The following MYOM3 variants were observed in gnomAD, a reference collection of about 807,000 sequenced individuals.
The protein encoded by MYOM3 is myomesin-3.
In MYOM3, 155 loss-of-function variants were observed where a neutral mutation model predicts 191.7. The ratio of observed to expected loss-of-function variants is 0.81; its 90% CI spans 0.71 to 0.92. MYOM3 has a LOEUF of 0.92. Among genes scored for constraint, MYOM3 ranks in the 40% least tolerant of loss-of-function variants. MYOM3 has a pLI of 0.00. For synonymous variants in MYOM3, 757 were observed against 762.9 expected, an observed-to-expected ratio of 0.99 and a Z score of 0.13; for missense variants, 1,889 against 1,890.6, an observed-to-expected ratio of 1.00 and a Z score of 0.02.
chr1:24,082,788 T>C, intron 16 of MYOM3, 74 bp from the exon 17 acceptor site: 1 of 1,483,030 alleles, frequency 6.7e-7, no homozygotes. Flanking sequence ...TAGAACAACT[T>C]TGTGGAATAA....
rs1384068389 is a variant in MYOM3, at chr1:24,076,806, G to A, written c.2587-533C>T. Among the ~76,000 whole-genome samples the A allele has an allele frequency of 5.3e-5, 3 of 56,608 alleles. 1 individual carries two copies. The highest frequency in any genetic ancestry group is 1.4e-4 in the Non-Finnish European group (3 of 21,972). 37.1% of individuals were successfully genotyped at this position (56,608 alleles called of 152,430 possible). A position where few individuals can be genotyped will look rare whatever the true frequency, so the allele number is the denominator to read the frequency against. The stretch of plus-strand genomic sequence containing the variant: ...TGGGATTACAGGCGTGAGCCACCGC[G>A]CCCGGCCCCTAATGTTTCTTTTTTC... On this transcript the variant is annotated intron_variant, in intron 20 of 36. Transcript: ENST00000374434.
intron 29 of MYOM3, among the ~76,000 whole-genome samples, chr1:24,064,937 C>T (rs1643415609): frequency 6.6e-6 from 1 of 152,176 alleles, no homozygotes; most frequent in Admixed American, 6.5e-5. Flanking sequence ...TGGCTTCTGA[C>T]CCCACCTTCT....
In MYOM3 at chr1:24,111,866, G is replaced by T. The variant is rs2148564744; in HGVS notation, c.-19+165C>A. Among the ~76,000 whole-genome samples, 1 of 151,990 alleles carries T rather than the reference G, an allele frequency of 6.6e-6. No individual in the cohort carries two copies. Among genetic ancestry groups the T allele is most frequent in the Non-Finnish European group, 1.5e-5 (1 of 67,986 alleles). The stretch of plus-strand genomic sequence containing the variant: ...CCCCTCCCATTTTCACTTGGGTGCT[G>T]CCTCAGCACAAATTTCCCAGGCTCC... On this transcript the variant is annotated intron_variant, in intron 1 of 36. Coordinates refer to ENST00000374434, the MANE Select transcript of MYOM3 (RefSeq NM_152372.4). The surrounding 1 kb of genome is among the most constrained non-coding windows in gnomAD (Gnocchi z 4.7).
Position 24,063,878 on chromosome 1 carries a change from C to T in MYOM3, c.3622+194G>A, listed in dbSNP as rs115577171. On this transcript the variant is annotated intron_variant, in intron 30 of 36. Transcript: ENST00000374434. This position sits in a 1 kb window ranked among gnomAD's most constrained non-coding sequence, Gnocchi z 4.5. ...GCTCACTGTGGTATACTGTGGTGAA[C>T]GAGGGCATCGGAGTCACACCGACCT... 1.4e-4 allele frequency among the ~76,000 whole-genome samples: 22 copies of T among 152,188 alleles called. No individual in the cohort carries two copies. Among genetic ancestry groups the T allele is most frequent in the African/African-American group, 3.6e-4 (15 of 41,502 alleles).
chr1:24,109,384 T>C (rs1644020706), intron 1 of MYOM3, among the ~76,000 whole-genome samples: 1 of 128,806 alleles, frequency 7.8e-6, no homozygotes, highest in South Asian at 3.3e-4. Context: ...GCTTGGGGCT[T>C]AGTAAGTACA....
chr1:24,072,350 G>A (rs1643542478), intron 23 of MYOM3, among the ~76,000 whole-genome samples: 1 of 152,100 alleles, frequency 6.6e-6, no homozygotes, highest in Admixed American at 6.5e-5. Context: ...GCAGTGCTGT[G>A]GGCTGAGCAT....
At position 24,107,063 on chromosome 1, in the gene MYOM3, A is replaced by T; in HGVS notation, c.402+10T>A. On this transcript the variant is annotated intron_variant, in intron 4 of 36. Transcript: ENST00000374434. ...CCCAGGCCCTGGGGCTCCACGGCCCACCCCCTTACCCGCCGCCTCAGCGTC... is the reference window on the plus strand; with the variant it reads ...CCCAGGCCCTGGGGCTCCACGGCCCTCCCCCTTACCCGCCGCCTCAGCGTC... The T allele has an allele frequency of 6.3e-7, 1 of 1,597,004 alleles. No homozygotes were observed. Among genetic ancestry groups the T allele is most frequent in the South Asian group, 1.1e-5 (1 of 88,124 alleles).
At chr1:24,089,415 G>A (rs1643785636) in intron 14 of MYOM3, 123 bp downstream of exon 14, 1 of 1,304,034 alleles carries the variant, frequency 7.7e-7, no homozygotes, top group Non-Finnish European at 1.0e-6. Flanking sequence ...GCCATGCCTG[G>A]GCCCTTCTGG....
At chr1:24,082,763 C>T in intron 16 of MYOM3, 49 bp from the exon 17 acceptor site, 2 of 1,517,860 alleles carry the variant, frequency 1.3e-6, no homozygotes, top group Non-Finnish European at 1.8e-6. Context: ...AGCCTGGAGA[C>T]ATTCCCAAAC....
chr1:24,066,371 C>T (rs1643434417), intron 28 of MYOM3: 3 of 629,016 alleles, frequency 4.8e-6, no homozygotes, highest in Admixed American at 2.7e-5. Flanking sequence ...CCAAGGCCCA[C>T]AGAGACCACT....
intron 2 of MYOM3, 130 bp from the exon 3 acceptor site, chr1:24,108,203 G>C (rs1557619893): frequency 1.1e-6 from 1 of 886,196 alleles, no homozygotes; most frequent in East Asian, 2.7e-5. Flanking sequence ...TCCTCATACT[G>C]GGGTCTCAGA....
In MYOM3 at chr1:24,057,344, C is replaced by T. The variant is rs746358158; in HGVS notation, c.*20G>A. 2 of 1,606,554 alleles carry T rather than the reference C, an allele frequency of 1.2e-6. No individual in the cohort carries two copies. The highest frequency in any genetic ancestry group is 2.2e-5 in the South Asian group (2 of 90,004). On this transcript the variant is annotated 3_prime_UTR_variant, in exon 37 of 37. Coordinates refer to ENST00000374434, the MANE Select transcript of MYOM3 (RefSeq NM_152372.4). ...CTGGTCCATGTAGACTAGACTCAGA[C>T]TGTGCCTGGACACACGCTGTCACAT... is the stretch of plus-strand genomic sequence containing the variant.
At chr1:24,081,480 A>T in intron 18 of MYOM3, 24 bp from the exon 19 acceptor site, 1 of 1,610,752 alleles carries the variant, frequency 6.2e-7, no homozygotes, top group Non-Finnish European at 8.5e-7. Flanking sequence ...AACACAAACT[A>T]TGAGGCTGAG....
chr1:24,079,968 G>T (rs764850325), intron 20 of MYOM3, 48 bp downstream of exon 20: 2 of 1,499,562 alleles, frequency 1.3e-6, no homozygotes, highest in East Asian at 4.7e-5. Flanking sequence ...TGCTCTAGTG[G>T]CAGGGAAGGC....
At position 24,109,847 on chromosome 1, in the gene MYOM3, A is replaced by G; in HGVS notation, c.-18-1193T>C. On this transcript the variant is annotated intron_variant, in intron 1 of 36. Transcript: ENST00000374434. The stretch of plus-strand genomic sequence containing the variant: ...TGTCCATTCAAGGCCAGGCCGTGGC[A>G]GAGGCTGGGGACACGGTGGGCCACA... 2.6e-5 allele frequency among the ~76,000 whole-genome samples: 4 copies of G among 152,168 alleles called. No homozygotes were observed. The South Asian group carries it at 8.3e-4, about 32-fold the overall frequency.
intron 6 of MYOM3, among the ~76,000 whole-genome samples, 184 bp from the exon 7 acceptor site, chr1:24,098,195 G>C (rs574182745): frequency 6.6e-6 from 1 of 152,228 alleles, no homozygotes; most frequent in South Asian, 2.1e-4. Context: ...TCCATGCTTC[G>C]GTGTCCTCTG....
rs763786172 is a variant in MYOM3 at position 24,102,876 on chromosome 1, T to C, written c.560+3044A>G. ...ATAATAATGATAATCATTGAATGAA[T>C]AGACTTGCCTAACAGGTGAGCTGGA... On this transcript the variant is annotated intron_variant, in intron 5 of 36. Transcript: ENST00000374434. Among the ~76,000 whole-genome samples the C allele has an allele frequency of 5.3e-5, 8 of 152,250 alleles. 1 individual carries two copies. The highest frequency in any genetic ancestry group is 1.4e-4 in the African/African-American group (6 of 41,550).
intron 7 of MYOM3, among the ~76,000 whole-genome samples, chr1:24,096,599 T>TG (rs1643879312): frequency 6.6e-6 from 1 of 151,990 alleles, no homozygotes; most frequent in African/African-American, 2.4e-5. Flanking sequence ...GGACAGTGGG[T>TG]GGAGAGGGCT....
intron 23 of MYOM3, among the ~76,000 whole-genome samples, chr1:24,072,528 T>C (rs145091063): frequency 6.6e-6 from 1 of 152,100 alleles, no homozygotes; most frequent in African/African-American, 2.4e-5. Context: ...CGTTTCTTCT[T>C]CTTGTTCGTT....
Sources: allele counts gnomAD v4.1 joint callset (sites outside exome capture counted in the v4.1 genomes callset), GRCh38; gene constraint gnomAD v4.1.1; non-coding constraint Gnocchi (gnomAD v3.1); transcripts MANE v1.5; gene names NCBI Gene and HGNC (gene_info 2026-07-23, HGNC 2026-07-21).